Variants in ENOX1 observed in about 807,000 individuals in gnomAD.
ENOX1 encodes ecto-NOX disulfide-thiol exchanger 1.
Under a neutral mutation model 82.5 loss-of-function variants are expected in ENOX1, and 42 were observed. The observed-to-expected ratio is 0.51, with a 90% CI of 0.40 to 0.66. The LOEUF is 0.66. Ranked by LOEUF, ENOX1 falls within the 30% of genes least tolerant of loss-of-function variation. The probability of loss-of-function intolerance (pLI) is 0.00; values close to 1 mark genes in which losing one functional copy is unlikely to be tolerated. For synonymous variants in ENOX1, 271 were observed against 282.2 expected, an observed-to-expected ratio of 0.96 and a Z score of 0.40; for missense variants, 608 against 811.6, an observed-to-expected ratio of 0.75 and a Z score of 3.05.
chr13:43,297,117 C>G (rs1405655701), intron 12 of ENOX1, among the ~76,000 whole-genome samples: 3 of 152,186 alleles, frequency 2.0e-5, no homozygotes, highest in Non-Finnish European at 2.9e-5. Context: ...GGACTCTAAG[C>G]CAAGACTCAA....
At chr13:43,447,879 A>G (rs1265427449) in intron 3 of ENOX1, among the ~76,000 whole-genome samples, 1 of 152,252 alleles carries the variant, frequency 6.6e-6, no homozygotes, top group African/African-American at 2.4e-5. Context: ...CATACAAAAC[A>G]TAAAGCATCC....
At chr13:43,456,579 G>C (rs2057241641) in intron 3 of ENOX1, among the ~76,000 whole-genome samples, 1 of 152,082 alleles carries the variant, frequency 6.6e-6, no homozygotes, top group Admixed American at 6.5e-5. Context: ...TAAGGAGCCA[G>C]TCCCTAGCTG....
intron 3 of ENOX1, among the ~76,000 whole-genome samples, chr13:43,456,450 C>T (rs755591159): frequency 5.3e-5 from 8 of 151,650 alleles, no homozygotes; most frequent in Non-Finnish European, 1.0e-4. Flanking sequence ...GTGCTTTTTC[C>T]TTGACTGGCA....
chr13:43,342,553 C>T lies in ENOX1; in HGVS notation c.1036+1985G>A, dbSNP rs114058512. Among the ~76,000 whole-genome samples, 66 of 152,202 alleles carry T rather than the reference C, an allele frequency of 4.3e-4. 1 individual carries two copies. Among genetic ancestry groups the T allele is most frequent in the African/African-American group, 1.5e-3 (64 of 41,526 alleles). ...GAGACAGGATCTTGCTGGTCCTGCCCCACCCCTTCATTCACTCCTTCTCAG... is the reference window on the plus strand; with the variant it reads ...GAGACAGGATCTTGCTGGTCCTGCCTCACCCCTTCATTCACTCCTTCTCAG... On this transcript the variant is annotated intron_variant, in intron 9 of 16. Transcript: ENST00000690772.
intron 14 of ENOX1, among the ~76,000 whole-genome samples, chr13:43,256,507 G>C (rs2043754246): frequency 6.6e-6 from 1 of 151,908 alleles, no homozygotes; most frequent in Non-Finnish European, 1.5e-5. Context: ...TATCTGAACA[G>C]ACATTTCTTA....
intron 2 of ENOX1, among the ~76,000 whole-genome samples, chr13:43,580,263 A>G (rs976660065): frequency 2.4e-4 from 37 of 152,312 alleles, no homozygotes; most frequent in African/African-American, 8.4e-4. Context: ...TCATATTCAC[A>G]TTGTCTAAAA....
intron 1 of ENOX1, among the ~76,000 whole-genome samples, chr13:43,781,513 T>G (rs1241809615): frequency 6.6e-6 from 1 of 152,092 alleles, no homozygotes; most frequent in Non-Finnish European, 1.5e-5. Flanking sequence ...ACTACTTTTG[T>G]CCACTATTTT....
intron 3 of ENOX1, among the ~76,000 whole-genome samples, chr13:43,429,109 G>C (rs1195547742): frequency 6.6e-6 from 1 of 152,200 alleles, no homozygotes; most frequent in Non-Finnish European, 1.5e-5. Flanking sequence ...TTGCATACCA[G>C]AGGAGAGCTC....
rs565228117 is a variant in ENOX1, at chr13:43,689,516, T to C, written c.-284-21972A>G. Among the ~76,000 whole-genome samples the C allele has an allele frequency of 7.7e-4, 118 of 152,312 alleles. 3 individuals are homozygous for C. The highest frequency in any genetic ancestry group is 2.8e-3 in the African/African-American group (115 of 41,574). ...TTATTTGGTGCCTCTGATATTTAGA[T>C]GAAAAATAAGCCAAATTGGATTTAA... On this transcript the variant is annotated intron_variant, in intron 1 of 16. Coordinates refer to ENST00000690772, the MANE Select transcript of ENOX1 (RefSeq NM_001347969.2).
At chr13:43,448,461 C>A (rs1252635875) in intron 3 of ENOX1, among the ~76,000 whole-genome samples, 1 of 152,098 alleles carries the variant, frequency 6.6e-6, no homozygotes, top group African/African-American at 2.4e-5. Flanking sequence ...TTTTTGTTTG[C>A]ATCTTTGCCA....
chr13:43,331,123 G>A (rs763677221), intron 9 of ENOX1, among the ~76,000 whole-genome samples: 2 of 152,170 alleles, frequency 1.3e-5, no homozygotes, highest in Admixed American at 1.3e-4. Flanking sequence ...CAGCCACTGG[G>A]TGCAAAAGCT....
chr13:43,609,177 C>T (rs1472852483), intron 2 of ENOX1, among the ~76,000 whole-genome samples: 1 of 152,126 alleles, frequency 6.6e-6, no homozygotes, highest in Admixed American at 6.6e-5. Flanking sequence ...TACATAGGTA[C>T]TTCTTTATGG....
intron 14 of ENOX1, 60 bp downstream of exon 14, chr13:43,265,338 T>C (rs2044306714): frequency 1.4e-6 from 2 of 1,421,444 alleles, no homozygotes; most frequent in Non-Finnish European, 2.0e-6. Context: ...AAGTGCTACA[T>C]CCCCATGTGT....
chr13:43,257,122 TAG>T (rs1484342148), intron 14 of ENOX1, among the ~76,000 whole-genome samples: 2 of 152,128 alleles, frequency 1.3e-5, no homozygotes, highest in Non-Finnish European at 2.9e-5. Flanking sequence ...CTCATGGAGT[TAG>T]AGAGTAGACT....
chr13:43,271,372 G>T (rs1265460779), intron 12 of ENOX1, among the ~76,000 whole-genome samples: 1 of 151,760 alleles, frequency 6.6e-6, no homozygotes, highest in Non-Finnish European at 1.5e-5. Context: ...AATACATTCA[G>T]GTTACAAAAT....
chr13:43,276,012 G>A (rs941921508), intron 12 of ENOX1, among the ~76,000 whole-genome samples: 2 of 152,102 alleles, frequency 1.3e-5, no homozygotes, highest in South Asian at 2.1e-4. Flanking sequence ...GATAATCTGG[G>A]AATATTTGAA....
chr13:43,336,925 T>G (rs533089849), intron 9 of ENOX1, among the ~76,000 whole-genome samples: 1 of 152,356 alleles, frequency 6.6e-6, no homozygotes, highest in Admixed American at 6.5e-5. Flanking sequence ...TTTGCAGCTT[T>G]TAAGACCTAA....
chr13:43,325,105 T>C (rs544814527), intron 10 of ENOX1, among the ~76,000 whole-genome samples: 4 of 152,294 alleles, frequency 2.6e-5, no homozygotes, highest in African/African-American at 4.8e-5. Context: ...AACAGAGGAC[T>C]CTTTTTTTTT....
chr13:43,472,462 T>C (rs960340014), intron 3 of ENOX1, among the ~76,000 whole-genome samples: 2 of 152,184 alleles, frequency 1.3e-5, no homozygotes. Context: ...TAAGGCATAT[T>C]TTTAGAAACG....
Sources: gnomAD v4.1 joint callset for allele counts (sites outside exome capture counted in the v4.1 genomes callset) on GRCh38, gnomAD v4.1.1 for gene constraint, MANE v1.5 for transcripts, NCBI Gene and HGNC (gene_info 2026-07-23, HGNC 2026-07-21) for gene names.